The following TOX variants were observed in gnomAD, a reference collection of about 807,000 sequenced individuals.
TOX encodes thymocyte selection associated high mobility group box.
In TOX, 11 loss-of-function variants were observed where a neutral mutation model predicts 53.7. The ratio of observed to expected loss-of-function variants is 0.20; its 90% CI spans 0.13 to 0.34. The LOEUF is 0.34. TOX is among the 10% of genes least tolerant of loss of function. The pLI is 1.00. For synonymous variants in TOX, 225 were observed against 245.3 expected (o/e 0.92, Z 0.77); for missense variants, 570 against 664.6 (o/e 0.86, Z 1.56).
chr8:59,081,585 T>A (rs1355015538), intron 1 of TOX, among the ~76,000 whole-genome samples: 1 of 152,198 alleles, frequency 6.6e-6, no homozygotes, highest in African/African-American at 2.4e-5. Context: ...TCATTCAGCA[T>A]CTCTGAAAAG....
chr8:59,020,778 A>G (rs1814110928), intron 1 of TOX, among the ~76,000 whole-genome samples: 1 of 152,128 alleles, frequency 6.6e-6, no homozygotes, highest in Admixed American at 6.6e-5. Flanking sequence ...AGTATAGTAA[A>G]CTTCCCATTG....
intron 7 of TOX, among the ~76,000 whole-genome samples, chr8:58,809,676 C>G (rs1486154594): frequency 6.6e-6 from 1 of 151,624 alleles, no homozygotes; most frequent in Non-Finnish European, 1.5e-5. Flanking sequence ...TAGATATGAC[C>G]TGTTCCTCAA....
chr8:59,019,447 C>T (rs752433425), intron 1 of TOX, among the ~76,000 whole-genome samples: 6 of 152,076 alleles, frequency 3.9e-5, no homozygotes, highest in Non-Finnish European at 8.8e-5. Context: ...GAGAATGTGG[C>T]ACAGAAAGAA....
intron 1 of TOX, among the ~76,000 whole-genome samples, chr8:58,976,328 T>C (rs1340981853): frequency 6.6e-6 from 1 of 152,244 alleles, no homozygotes; most frequent in African/African-American, 2.4e-5. Context: ...TCTTTGCTTA[T>C]CCATATGAAG....
rs569015146 is a variant in TOX, at chr8:58,970,580, C to G, written c.103-10572G>C. On this transcript the variant is annotated intron_variant, in intron 1 of 8. Coordinates refer to ENST00000361421, the MANE Select transcript of TOX (RefSeq NM_014729.3). ...CCTGACCTCATGGATGATTGAGGTG[C>G]CTTCTCTGTGCCTATGTCTGTGCTT... Among the ~76,000 whole-genome samples, 5 of 152,138 alleles carry G rather than the reference C, an allele frequency of 3.3e-5. 1 individual carries two copies. The highest frequency in any genetic ancestry group is 1.2e-4 in the African/African-American group (5 of 41,410).
At position 58,808,247 on chromosome 8, in the gene TOX, T is replaced by C. The variant is rs763060098; in HGVS notation, c.1415A>G (p.Tyr472Cys). Residue 472 changes from tyrosine (Y) to cysteine (C), a missense_variant, in exon 8 of 9, where the codon TAT becomes TGT. Tyr to Cys is a radical substitution (Grantham distance 194, BLOSUM62 -2). This residue lies in a region of TOX where 239 missense variants were observed against 250.7 expected (regional missense o/e 0.95). Coordinates refer to ENST00000361421, the MANE Select transcript of TOX (RefSeq NM_014729.3). ...AGATGTAGGATTGATAATAGTCTGA[T>C]AGTCGGGTTGAAGAGTAAATCCCTG... is the stretch of plus-strand genomic sequence containing the variant. ...MQQGFTLQPD[Y>C]QTIINPTSTA... The C allele has an allele frequency of 1.2e-6, 2 of 1,612,788 alleles. No homozygotes were observed. Among genetic ancestry groups the C allele is most frequent in the Middle Eastern group, 1.7e-4 (1 of 6,050 alleles).
intron 3 of TOX, among the ~76,000 whole-genome samples, chr8:58,856,013 A>G (rs1003347511): frequency 6.6e-6 from 1 of 152,204 alleles, no homozygotes; most frequent in African/African-American, 2.4e-5. Flanking sequence ...GGAGCCATGT[A>G]GGAATAGCTG....
chr8:58,873,355 T>C (rs181218300), intron 3 of TOX, among the ~76,000 whole-genome samples: 14 of 152,276 alleles, frequency 9.2e-5, no homozygotes, highest in South Asian at 4.1e-4. Flanking sequence ...CATTGCCTCA[T>C]AGGAGTCTTT....
At chr8:59,004,273 T>C (rs981523429) in intron 1 of TOX, among the ~76,000 whole-genome samples, 17 of 152,368 alleles carry the variant, frequency 1.1e-4, no homozygotes, top group African/African-American at 4.1e-4. Flanking sequence ...TATTCCATGT[T>C]CTAATTTATC....
At chr8:58,959,880 T>G in intron 2 of TOX, 63 bp downstream of exon 2, 1 of 1,545,202 alleles carries the variant, frequency 6.5e-7, no homozygotes, top group Non-Finnish European at 8.9e-7. Context: ...TCATTTGCAA[T>G]GCAACTCTTT....
rs2129163392 is a variant in TOX at position 58,806,913 on chromosome 8, T to C, written c.*834A>G. 1 of 152,754 alleles carries C rather than the reference T, an allele frequency of 6.5e-6. No homozygotes were observed. The highest frequency in any genetic ancestry group is 2.1e-4 in the South Asian group (1 of 4,828). 9.5% of individuals were successfully genotyped at this position (152,754 alleles called of 1,614,324 possible). A position where few individuals can be genotyped will look rare whatever the true frequency, so the allele number is the denominator to read the frequency against. On this transcript the variant is annotated 3_prime_UTR_variant, in exon 9 of 9. Transcript: ENST00000361421. ...ATATGTAAAAGTTGTAATTTAGCTG[T>C]TTCCAATCTGTTTCTGCATCTAATA... is the stretch of plus-strand genomic sequence containing the variant.
At position 58,845,365 on chromosome 8, in the gene TOX, C is replaced by T. The variant is rs1004504888; in HGVS notation, c.693+6159G>A. Among the ~76,000 whole-genome samples, 3 of 152,104 alleles carry T rather than the reference C, an allele frequency of 2.0e-5. No individual in the cohort carries two copies. The East Asian group carries it at 5.8e-4, about 29-fold the overall frequency. ...CTCTCCATAGAAACAGGGCATATAACAGCACTTTTTGTGATGTTTCAGTGA... is the reference window on the plus strand; with the variant it reads ...CTCTCCATAGAAACAGGGCATATAATAGCACTTTTTGTGATGTTTCAGTGA... On this transcript the variant is annotated intron_variant, in intron 4 of 8. Coordinates refer to ENST00000361421, the MANE Select transcript of TOX (RefSeq NM_014729.3).
At chr8:59,053,750 T>C (rs1226902566) in intron 1 of TOX, among the ~76,000 whole-genome samples, 3 of 152,176 alleles carry the variant, frequency 2.0e-5, no homozygotes, top group African/African-American at 4.8e-5. Context: ...GGCCTTGAGA[T>C]ACTCAAATGT....
intron 3 of TOX, among the ~76,000 whole-genome samples, chr8:58,886,561 A>C (rs1811471685): frequency 6.6e-6 from 1 of 152,150 alleles, no homozygotes; most frequent in African/African-American, 2.4e-5. Flanking sequence ...AAAAATGCAC[A>C]TATTTTGCAG....
chr8:58,903,645 C>A (rs1391890069), intron 3 of TOX, among the ~76,000 whole-genome samples: 1 of 152,106 alleles, frequency 6.6e-6, no homozygotes, highest in Non-Finnish European at 1.5e-5. Flanking sequence ...CTAATATTTA[C>A]ACTACTAAAA....
intron 6 of TOX, among the ~76,000 whole-genome samples, chr8:58,824,189 G>C (rs1018532431): frequency 6.6e-6 from 1 of 152,178 alleles, no homozygotes; most frequent in African/African-American, 2.4e-5. Context: ...GCCTTGGCCA[G>C]TGGCTACCTG....
chr8:59,039,670 C>T (rs1803540989), intron 1 of TOX, among the ~76,000 whole-genome samples: 2 of 152,158 alleles, frequency 1.3e-5, no homozygotes, highest in African/African-American at 4.8e-5. Context: ...ACCCTAACTA[C>T]TTCACTCTGG....
At chr8:59,085,131 A>G (rs1804483475) in intron 1 of TOX, among the ~76,000 whole-genome samples, 2 of 152,236 alleles carry the variant, frequency 1.3e-5, no homozygotes, top group African/African-American at 4.8e-5. Context: ...TTACCAAAAC[A>G]GCCTTTGATC....
At chr8:59,068,029 C>T (rs1369469650) in intron 1 of TOX, among the ~76,000 whole-genome samples, 1 of 152,036 alleles carries the variant, frequency 6.6e-6, no homozygotes, top group Non-Finnish European at 1.5e-5. Flanking sequence ...TCATTGGGGA[C>T]AATAATGGAG....
Sources: gnomAD v4.1 joint callset for allele counts (sites outside exome capture counted in the v4.1 genomes callset) on GRCh38, gnomAD v4.1.1 for gene constraint, gnomAD v4.1.1 regional missense constraint, MANE v1.5 for transcripts, NCBI Gene and HGNC (gene_info 2026-07-23, HGNC 2026-07-21) for gene names.